Variants in GRM5 observed in about 807,000 individuals in gnomAD.
GRM5 encodes the protein glutamate metabotropic receptor 5.
In GRM5, 19 loss-of-function variants were observed where a neutral mutation model predicts 83.1. The observed-to-expected ratio is 0.23, with a 90% CI of 0.16 to 0.34. The LOEUF is 0.34. Among genes scored for constraint, GRM5 ranks in the 10% least tolerant of loss-of-function variants. GRM5 has a pLI of 1.00. For missense variants in GRM5, 1,160 were observed against 1,588.3 expected, an observed-to-expected ratio of 0.73 and a Z score of 4.58; for synonymous variants, 675 against 633.6, an observed-to-expected ratio of 1.07 and a Z score of -0.98.
chr11:88,837,312 C>A (rs573918367), intron 3 of GRM5, among the ~76,000 whole-genome samples: 2 of 152,150 alleles, frequency 1.3e-5, no homozygotes, highest in African/African-American at 4.8e-5. Flanking sequence ...TCCTCACTGC[C>A]ATTTACTGCC....
intron 3 of GRM5, among the ~76,000 whole-genome samples, chr11:88,699,469 A>G (rs1382218260): frequency 6.6e-6 from 1 of 152,132 alleles, no homozygotes; most frequent in East Asian, 1.9e-4. Flanking sequence ...TTTGGCTGCC[A>G]GGAGTGTTGA....
chr11:88,772,370 T>G (rs1377971229), intron 3 of GRM5, among the ~76,000 whole-genome samples: 1 of 149,028 alleles, frequency 6.7e-6, no homozygotes, highest in African/African-American at 2.6e-5. Flanking sequence ...CTTACATTCC[T>G]TTTTGAAAAC....
At chr11:88,814,822 A>C (rs1389431447) in intron 3 of GRM5, among the ~76,000 whole-genome samples, 1 of 152,244 alleles carries the variant, frequency 6.6e-6, no homozygotes, top group Non-Finnish European at 1.5e-5. Context: ...AAGTAATTGA[A>C]ACTTTCCCAG....
chr11:88,992,589 T>G (rs2135050781), intron 2 of GRM5, among the ~76,000 whole-genome samples: 1 of 151,966 alleles, frequency 6.6e-6, no homozygotes, highest in East Asian at 1.9e-4. Context: ...GTGGCACTAT[T>G]CACAATAGCA....
At chr11:88,760,205 C>A (rs4753184) in intron 3 of GRM5, among the ~76,000 whole-genome samples, 32,831 of 151,904 alleles carry the variant, frequency 0.22, 4,707 homozygotes, top group Non-Finnish European at 0.32. Flanking sequence ...TAGCAGAAGA[C>A]AAGAAATAAC....
intron 2 of GRM5, among the ~76,000 whole-genome samples, chr11:89,034,169 G>T (rs762857923): frequency 6.6e-6 from 1 of 151,624 alleles, no homozygotes; most frequent in South Asian, 2.1e-4. Context: ...ATATCTGTCA[G>T]TGTGGAAGAT....
intron 1 of GRM5, among the ~76,000 whole-genome samples, chr11:89,054,399 C>G (rs1363584774): frequency 1.3e-5 from 2 of 152,060 alleles, no homozygotes; most frequent in Non-Finnish European, 2.9e-5. Flanking sequence ...ATGGAAACAA[C>G]AAAACAACAT....
At chr11:88,698,330 T>A (rs1343442586) in intron 3 of GRM5, among the ~76,000 whole-genome samples, 6 of 152,202 alleles carry the variant, frequency 3.9e-5, no homozygotes, top group Admixed American at 6.6e-5. Flanking sequence ...GTGTGTCATG[T>A]CCTCTTCTAC....
intron 2 of GRM5, among the ~76,000 whole-genome samples, chr11:88,865,167 G>A (rs1303575510): frequency 6.6e-6 from 1 of 152,030 alleles, no homozygotes; most frequent in East Asian, 1.9e-4. Context: ...TCCCCATCAA[G>A]CTATAGTAAC....
intron 4 of GRM5, among the ~76,000 whole-genome samples, chr11:88,641,213 A>G (rs192497133): frequency 7.9e-5 from 12 of 152,124 alleles, no homozygotes; most frequent in African/African-American, 2.9e-4. Context: ...ACACTTTACA[A>G]TAGCTAGATC....
chr11:88,686,806 C>T (rs750628315), intron 3 of GRM5, among the ~76,000 whole-genome samples: 4 of 152,098 alleles, frequency 2.6e-5, no homozygotes, highest in Non-Finnish European at 5.9e-5. Context: ...TGAGGCCTCC[C>T]CAGTCATGTG....
At chr11:88,761,169 C>T (rs1457396804) in intron 3 of GRM5, among the ~76,000 whole-genome samples, 1 of 152,122 alleles carries the variant, frequency 6.6e-6, no homozygotes, top group Non-Finnish European at 1.5e-5. Flanking sequence ...CTCACCACTC[C>T]TATTCACCAT....
chr11:88,813,276 G>T (rs958740847), intron 3 of GRM5, among the ~76,000 whole-genome samples: 2 of 152,092 alleles, frequency 1.3e-5, no homozygotes, highest in Admixed American at 6.6e-5. Flanking sequence ...TTGCAGGTAG[G>T]GGGTACTAAA....
intron 2 of GRM5, among the ~76,000 whole-genome samples, chr11:89,012,245 T>A (rs1039360608): frequency 6.6e-6 from 1 of 152,070 alleles, no homozygotes; most frequent in Non-Finnish European, 1.5e-5. Flanking sequence ...GCCATGGAGA[T>A]TTCGGAAATG....
In GRM5 at chr11:88,964,029, A is replaced by G. The variant is rs1347763107; in HGVS notation, c.661+83183T>C. On this transcript the variant is annotated intron_variant, in intron 2 of 9. Transcript: ENST00000305447. Reference sequence around the variant, plus strand: ...AGTTTACACAGATTGGAGACTCTACAGATCAGTGCAGGGACACACTCTTTA... The same window carrying G: ...AGTTTACACAGATTGGAGACTCTACGGATCAGTGCAGGGACACACTCTTTA... 3.3e-5 allele frequency among the ~76,000 whole-genome samples: 5 copies of G among 152,198 alleles called. No individual in the cohort carries two copies. In the East Asian group the frequency reaches 7.7e-4, roughly 23 times the overall value.
intron 2 of GRM5, among the ~76,000 whole-genome samples, chr11:88,913,946 G>A (rs1054029788): frequency 2.0e-5 from 3 of 151,990 alleles, no homozygotes; most frequent in African/African-American, 4.8e-5. Context: ...AGCCCTAGTG[G>A]GTATTAATGG....
At chr11:88,881,424 C>A (rs1184958072) in intron 2 of GRM5, among the ~76,000 whole-genome samples, 1 of 135,490 alleles carries the variant, frequency 7.4e-6, no homozygotes, top group Non-Finnish European at 1.7e-5. Context: ...TGGCAGAGGG[C>A]AAAAGATAAA....
At chr11:89,050,735 A>C (rs561419864) in intron 1 of GRM5, among the ~76,000 whole-genome samples, 14 of 152,350 alleles carry the variant, frequency 9.2e-5, no homozygotes, top group African/African-American at 3.4e-4. Context: ...AGACTGGATA[A>C]AGAAAATGTG....
chr11:88,700,207 A>G (rs139760447), intron 3 of GRM5, among the ~76,000 whole-genome samples: 468 of 152,270 alleles, frequency 3.1e-3, no homozygotes, highest in African/African-American at 0.011. Flanking sequence ...ATGTGAACCT[A>G]TGGGAGTGGC....
Sources: gnomAD v4.1 joint callset for allele counts (sites outside exome capture counted in the v4.1 genomes callset) on GRCh38, gnomAD v4.1.1 for gene constraint, MANE v1.5 for transcripts, NCBI Gene and HGNC (gene_info 2026-07-23, HGNC 2026-07-21) for gene names.